ZNF385D: variants seen among roughly 807,000 people sequenced by gnomAD.
ZNF385D encodes zinc finger protein 659.
ZNF385D carries 15 observed loss-of-function variants against 35.8 expected under a neutral mutation model. The ratio of observed to expected loss-of-function variants is 0.42; its 90% confidence interval spans 0.28 to 0.64. The LOEUF is 0.64. Ranked by LOEUF, ZNF385D falls within the 30% of genes least tolerant of loss-of-function variation. The pLI is 0.23. For synonymous variants in ZNF385D, 212 were observed against 186.8 expected (o/e 1.13, Z -1.10); for missense variants, 474 against 494.6 (o/e 0.96, Z 0.39).
chr3:22,166,197 T>C (rs946505219), intron 3 of ZNF385D, among the ~76,000 whole-genome samples: 1 of 127,182 alleles, frequency 7.9e-6, no homozygotes, highest in Non-Finnish European at 1.9e-5. Context: ...ATGTTACTAA[T>C]ATTAGTAATG....
chr3:22,211,777 T>C (rs1182812996), intron 2 of ZNF385D, among the ~76,000 whole-genome samples: 1 of 151,974 alleles, frequency 6.6e-6, no homozygotes, highest in Non-Finnish European at 1.5e-5. Context: ...ATTTCTTGAC[T>C]ACACTCTGAG....
intron 2 of ZNF385D, among the ~76,000 whole-genome samples, chr3:22,308,341 CACTA>C (rs1352827320): frequency 6.6e-6 from 1 of 151,892 alleles, no homozygotes; most frequent in Non-Finnish European, 1.5e-5. Context: ...AATTTCAAAT[CACTA>C]ACAGCCCAAT....
At chr3:21,921,683 A>G (rs1248172550) in intron 3 of ZNF385D, among the ~76,000 whole-genome samples, 1 of 102,444 alleles carries the variant, frequency 9.8e-6, no homozygotes, top group Non-Finnish European at 2.6e-5. Flanking sequence ...TATGTCTTCA[A>G]AAGATTGCCT....
intron 3 of ZNF385D, among the ~76,000 whole-genome samples, chr3:22,059,718 T>G (rs1171400107): frequency 6.6e-6 from 1 of 152,208 alleles, no homozygotes; most frequent in Non-Finnish European, 1.5e-5. Flanking sequence ...TTTTCGATTT[T>G]GTTTGCTGCT....
intron 3 of ZNF385D, among the ~76,000 whole-genome samples, chr3:22,110,673 G>C (rs1702473541): frequency 6.6e-6 from 1 of 151,712 alleles, no homozygotes; most frequent in African/African-American, 2.4e-5. Flanking sequence ...AGCATTTGGA[G>C]ATACACCTAA....
At chr3:21,972,505 C>A (rs779146342) in intron 3 of ZNF385D, among the ~76,000 whole-genome samples, 3 of 151,764 alleles carry the variant, frequency 2.0e-5, no homozygotes, top group Non-Finnish European at 4.4e-5. Flanking sequence ...AATAAACAAC[C>A]TATTGGTGTA....
intron 3 of ZNF385D, among the ~76,000 whole-genome samples, chr3:21,907,775 C>T (rs1699755095): frequency 6.6e-6 from 1 of 151,906 alleles, no homozygotes; most frequent in African/African-American, 2.4e-5. Context: ...ACAATTTTTC[C>T]AGTAATAGAC....
chr3:22,080,552 C>T (rs1281118572), intron 3 of ZNF385D, among the ~76,000 whole-genome samples: 1 of 151,948 alleles, frequency 6.6e-6, no homozygotes, highest in Non-Finnish European at 1.5e-5. Context: ...AACTCTTATA[C>T]ATATATGGTT....
intron 6 of ZNF385D, among the ~76,000 whole-genome samples, chr3:21,424,317 A>ATATATATTT (rs1221923155): frequency 3.8e-4 from 24 of 63,800 alleles, no homozygotes; most frequent in Admixed American, 1.2e-3. Flanking sequence ...ATATATATAT[A>ATATATATTT]TTTTTTTTTT....
At chr3:21,527,053 A>G (rs560798887) in intron 3 of ZNF385D, among the ~76,000 whole-genome samples, 2 of 152,332 alleles carry the variant, frequency 1.3e-5, no homozygotes, top group East Asian at 3.9e-4. Flanking sequence ...TCCATGATGT[A>G]GAAAATCTTA....
chr3:21,689,575 A>T (rs1354730829), intron 1 of ZNF385D, among the ~76,000 whole-genome samples: 1 of 152,186 alleles, frequency 6.6e-6, no homozygotes, highest in East Asian at 1.9e-4. Context: ...ATATGCATTT[A>T]GTTCACAGGT....
Position 22,128,069 on chromosome 3 carries a change from A to T in ZNF385D, c.325+40748T>A, listed in dbSNP as rs542681802. Among the ~76,000 whole-genome samples the T allele has an allele frequency of 9.2e-5, 14 of 152,304 alleles. No individual in the cohort carries two copies. The South Asian group carries it at 2.9e-3, about 32-fold the overall frequency. ...TTAGCCATTCTTGTAGGTTATGTAC[A>T]GTGTTGATAAAATCTCTCAGCTTTT... On this transcript the variant is annotated intron_variant, in intron 3 of 5. Coordinates refer to the ZNF385D transcript ENST00000494108.
chr3:22,366,545 G>T (rs1696665067), intron 2 of ZNF385D, among the ~76,000 whole-genome samples: 1 of 152,054 alleles, frequency 6.6e-6, no homozygotes, highest in South Asian at 2.1e-4. Context: ...GGTCCTTCCT[G>T]CATTTTTTAC....
intron 3 of ZNF385D, among the ~76,000 whole-genome samples, chr3:21,556,305 T>C (rs1437730785): frequency 6.6e-6 from 1 of 152,172 alleles, no homozygotes; most frequent in Non-Finnish European, 1.5e-5. Context: ...CCCATGCTTA[T>C]GTCCTGAATG....
chr3:21,424,317 A>ATATTTT (rs1221923155), intron 6 of ZNF385D, among the ~76,000 whole-genome samples: 2 of 63,812 alleles, frequency 3.1e-5, no homozygotes, highest in African/African-American at 1.2e-4. Flanking sequence ...ATATATATAT[A>ATATTTT]TTTTTTTTTT....
chr3:21,837,027 A>C (rs1013892080), intron 3 of ZNF385D, among the ~76,000 whole-genome samples: 1 of 152,140 alleles, frequency 6.6e-6, no homozygotes, highest in African/African-American at 2.4e-5. Context: ...GGCTTCATAA[A>C]AGGGCTGTAA....
chr3:21,554,814 C>G (rs1198005370), intron 3 of ZNF385D, among the ~76,000 whole-genome samples: 1 of 152,134 alleles, frequency 6.6e-6, no homozygotes, highest in East Asian at 1.9e-4. Context: ...ACCTCATGAA[C>G]CAACCACTTC....
At chr3:21,826,204 C>T (rs1299568460) in intron 3 of ZNF385D, among the ~76,000 whole-genome samples, 1 of 152,126 alleles carries the variant, frequency 6.6e-6, no homozygotes, top group South Asian at 2.1e-4. Flanking sequence ...AATAGCTGGC[C>T]ACTATAGACT....
intron 3 of ZNF385D, among the ~76,000 whole-genome samples, chr3:21,874,422 TG>T (rs1697857483): frequency 6.6e-6 from 1 of 152,088 alleles, no homozygotes; most frequent in Non-Finnish European, 1.5e-5. Context: ...ATCAAATATA[TG>T]GTTTGCAAAT....
Sources: gnomAD v4.1 joint callset for allele counts (sites outside exome capture counted in the v4.1 genomes callset) on GRCh38, gnomAD v4.1.1 for gene constraint, MANE v1.5 for transcripts, NCBI Gene and HGNC (gene_info 2026-07-23, HGNC 2026-07-21) for gene names.